The following MAPKAP1 variants were observed in gnomAD, a reference collection of about 807,000 sequenced individuals.
MAPKAP1 encodes target of rapamycin complex 2 subunit MAPKAP1.
Under a neutral mutation model 65.7 loss-of-function variants are expected in MAPKAP1, and 20 were observed. The ratio of observed to expected loss-of-function variants is 0.30; its 90% CI spans 0.21 to 0.44. MAPKAP1 has a LOEUF of 0.44. Among genes scored for constraint, MAPKAP1 ranks in the 20% least tolerant of loss-of-function variants. The pLI, the probability that MAPKAP1 is intolerant of heterozygous loss-of-function variation, is 1.00. For synonymous variants in MAPKAP1, 222 were observed against 244.3 expected, an observed-to-expected ratio of 0.91 and a Z score of 0.85; for missense variants, 423 against 648.0, an observed-to-expected ratio of 0.65 and a Z score of 3.77.
At chr9:125,558,285 C>T (rs1035069688) in intron 6 of MAPKAP1, among the ~76,000 whole-genome samples, 1 of 152,126 alleles carries the variant, frequency 6.6e-6, no homozygotes, top group Non-Finnish European at 1.5e-5. Context: ...GCATCATTGG[C>T]CAACTTTTCA....
At chr9:125,548,361 G>C (rs1212875601) in intron 6 of MAPKAP1, among the ~76,000 whole-genome samples, 1 of 152,210 alleles carries the variant, frequency 6.6e-6, no homozygotes, top group East Asian at 1.9e-4. Context: ...CAGCCACACA[G>C]AGGTGAGAGG....
intron 2 of MAPKAP1, 116 bp downstream of exon 2, chr9:125,672,200 T>G (rs1834517128): frequency 8.7e-7 from 1 of 1,144,842 alleles, no homozygotes; most frequent in Admixed American, 2.2e-5. Context: ...CATATGCATG[T>G]TCCTATTAAT....
chr9:125,706,515 T>C (rs1383293960), intron 1 of MAPKAP1, among the ~76,000 whole-genome samples: 1 of 151,948 alleles, frequency 6.6e-6, no homozygotes, highest in African/African-American at 2.4e-5. Context: ...GCCACTCCCA[T>C]AAACAAAGAA....
intron 1 of MAPKAP1, among the ~76,000 whole-genome samples, chr9:125,689,362 G>A (rs189179625): frequency 4.7e-5 from 7 of 148,972 alleles, no homozygotes; most frequent in South Asian, 4.3e-4. Context: ...GCGTGAACCC[G>A]GGAGGCAGAG....
At chr9:125,542,962 A>G (rs545554204) in intron 7 of MAPKAP1, 97 bp downstream of exon 7, 3 of 874,534 alleles carry the variant, frequency 3.4e-6, no homozygotes, top group South Asian at 2.6e-5. Flanking sequence ...ATGACATCTG[A>G]AAGAATCTAG....
intron 3 of MAPKAP1, among the ~76,000 whole-genome samples, chr9:125,664,652 G>A (rs1397180619): frequency 1.4e-5 from 2 of 145,654 alleles, no homozygotes; most frequent in Non-Finnish European, 3.0e-5. Context: ...TTGAATCTGG[G>A]AGGCGGAGGT....
intron 5 of MAPKAP1, among the ~76,000 whole-genome samples, chr9:125,560,981 G>A (rs1830876423): frequency 6.6e-6 from 1 of 152,152 alleles, no homozygotes; most frequent in Admixed American, 6.5e-5. Flanking sequence ...GCTCCAAACC[G>A]CAAACCTGCG....
chr9:125,597,213 C>T (rs1397733763), intron 4 of MAPKAP1, among the ~76,000 whole-genome samples: 1 of 144,164 alleles, frequency 6.9e-6, no homozygotes, highest in African/African-American at 2.6e-5. Context: ...TGCAATGAGC[C>T]GAGATCGTGC....
intron 10 of MAPKAP1, among the ~76,000 whole-genome samples, chr9:125,449,862 A>G (rs1852876755): frequency 6.6e-6 from 1 of 152,078 alleles, no homozygotes; most frequent in African/African-American, 2.4e-5. Flanking sequence ...CTGCTAAAAG[A>G]GGTGCTCCCA....
intron 10 of MAPKAP1, among the ~76,000 whole-genome samples, chr9:125,445,145 C>CG (rs5900659): frequency 0.11 from 16,387 of 149,322 alleles, 1,069 homozygotes; most frequent in East Asian, 0.21. Context: ...AGGATGGGGG[C>CG]GGGGGGGGCA....
At chr9:125,565,056 A>G (rs1183332921) in intron 5 of MAPKAP1, among the ~76,000 whole-genome samples, 2 of 152,210 alleles carry the variant, frequency 1.3e-5, no homozygotes, top group South Asian at 2.1e-4. Flanking sequence ...TGCTGCCAAA[A>G]GAGAGGTGGG....
chr9:125,668,377 C>T (rs1288848800), intron 3 of MAPKAP1, among the ~76,000 whole-genome samples: 1 of 152,132 alleles, frequency 6.6e-6, no homozygotes, highest in Non-Finnish European at 1.5e-5. Flanking sequence ...ATGTAAAGTA[C>T]CTAGTAGAGC....
At chr9:125,522,197 G>A (rs1366173091) in intron 7 of MAPKAP1, among the ~76,000 whole-genome samples, 1 of 152,244 alleles carries the variant, frequency 6.6e-6, no homozygotes, top group Non-Finnish European at 1.5e-5. Context: ...CACTGCCAGT[G>A]AATGGTTGGA....
intron 10 of MAPKAP1, among the ~76,000 whole-genome samples, chr9:125,448,028 G>C (rs1852785890): frequency 6.6e-6 from 1 of 152,156 alleles, no homozygotes; most frequent in South Asian, 2.1e-4. Flanking sequence ...AGCTGATGGG[G>C]GTCACTAGAG....
At chr9:125,617,016 T>A (rs1400751745) in intron 4 of MAPKAP1, among the ~76,000 whole-genome samples, 1 of 152,262 alleles carries the variant, frequency 6.6e-6, no homozygotes, top group Non-Finnish European at 1.5e-5. Context: ...ATATGTGCAC[T>A]TAATATGCAT....
chr9:125,583,581 G>A (rs191687935), intron 5 of MAPKAP1, among the ~76,000 whole-genome samples: 6 of 152,202 alleles, frequency 3.9e-5, no homozygotes, highest in Non-Finnish European at 7.3e-5. Context: ...TGGAGTCAGA[G>A]ATTGTTGGGT....
At chr9:125,474,569 C>G (rs992434603) in intron 9 of MAPKAP1, among the ~76,000 whole-genome samples, 10 of 152,134 alleles carry the variant, frequency 6.6e-5, no homozygotes, top group African/African-American at 2.4e-4. Context: ...GGGTTCAAGT[C>G]CAGGTCTAGC....
chr9:125,596,242 A>G, intron 4 of MAPKAP1: 2 of 764,072 alleles, frequency 2.6e-6, no homozygotes, highest in South Asian at 2.7e-5. Flanking sequence ...TCATCCAGCG[A>G]AAGAGGTCGA....
intron 6 of MAPKAP1, 94 bp from the exon 7 acceptor site, chr9:125,543,262 G>GT (rs1830309452): frequency 5.3e-6 from 5 of 937,566 alleles, no homozygotes; most frequent in Non-Finnish European, 6.8e-6. Flanking sequence ...TTTTTTTGTT[G>GT]TTGTTTGTTT....
Sources: allele counts gnomAD v4.1 joint callset (sites outside exome capture counted in the v4.1 genomes callset), GRCh38; gene constraint gnomAD v4.1.1; transcripts MANE v1.5; gene names NCBI Gene and HGNC (gene_info 2026-07-23, HGNC 2026-07-21).